ESAM: variants seen among roughly 807,000 people sequenced by gnomAD.
ESAM encodes endothelial cell-selective adhesion molecule.
ESAM carries 23 observed loss-of-function variants against 31.8 expected under a neutral mutation model. The ratio of observed to expected loss-of-function variants is 0.72; its 90% CI spans 0.52 to 1.03. The LOEUF is 1.03. Ranked by LOEUF, ESAM falls within the 50% of genes least tolerant of loss-of-function variation. The pLI, the probability that ESAM is intolerant of heterozygous loss-of-function variation, is 0.00. For synonymous variants in ESAM, 216 were observed against 207.2 expected (o/e 1.04, Z -0.37); for missense variants, 478 against 488.9 (o/e 0.98, Z 0.21).
rs371554864 is a variant in ESAM at position 124,753,594 on chromosome 11, C to T, written c.*52G>A. On this transcript the variant is annotated 3_prime_UTR_variant, in exon 7 of 7. Coordinates refer to ENST00000278927, the MANE Select transcript of ESAM (RefSeq NM_138961.3). ...CTCAGGCCTCTGTGCTAGAGGTGACCCTTATAGGAAGGAGAGACCCCAAAT... is the reference window on the plus strand; with the variant it reads ...CTCAGGCCTCTGTGCTAGAGGTGACTCTTATAGGAAGGAGAGACCCCAAAT... 4 of 1,599,834 alleles carry T rather than the reference C, an allele frequency of 2.5e-6. No individual in the cohort carries two copies. The highest frequency in any genetic ancestry group is 1.7e-6 in the Non-Finnish European group (2 of 1,172,558).
intron 2 of ESAM, 103 bp downstream of exon 2, chr11:124,758,246 C>T: frequency 1.5e-6 from 2 of 1,374,816 alleles, no homozygotes; most frequent in Non-Finnish European, 1.0e-6. Context: ...AACTCCTTCC[C>T]CGGCCCCCAT....
intron 1 of ESAM, among the ~76,000 whole-genome samples, chr11:124,760,989 T>C (rs2134464143): frequency 6.6e-6 from 1 of 152,234 alleles, no homozygotes; most frequent in Non-Finnish European, 1.5e-5. Flanking sequence ...TACTTGAGAC[T>C]CATTTTGTCC....
chr11:124,754,844 T>C lies in ESAM; in HGVS notation c.608-81A>G. The C allele has an allele frequency of 6.6e-7, 1 of 1,509,456 alleles. No individual in the cohort carries two copies. Among genetic ancestry groups the C allele is most frequent in the Non-Finnish European group, 8.9e-7 (1 of 1,129,242 alleles). 93.5% of individuals were successfully genotyped at this position (1,509,456 alleles called of 1,614,324 possible). A position where few individuals can be genotyped will look rare whatever the true frequency, so the allele number is the denominator to read the frequency against. On this transcript the variant is annotated intron_variant, in intron 4 of 6. Transcript: ENST00000278927. The surrounding 1 kb of genome is among the most constrained non-coding windows in gnomAD (Gnocchi z 4.5). ...AAAAAATCTTGTCCCTCCTCTGGAA[T>C]GTCCCCTTTGACCCTCTGGGAGTCA...
intron 1 of ESAM, among the ~76,000 whole-genome samples, chr11:124,761,293 T>A (rs1944225782): frequency 6.6e-6 from 1 of 152,224 alleles, no homozygotes; most frequent in South Asian, 2.1e-4. Flanking sequence ...GATGGAGTTC[T>A]GAGCCACCCC....
At chr11:124,757,353 CAGGAGCGGTAGAGGCTGT>C (rs1181785286) in intron 2 of ESAM, 1 of 155,152 alleles carries the variant, frequency 6.4e-6, no homozygotes, top group Non-Finnish European at 1.4e-5. Flanking sequence ...ATTACTTGAG[CAGGAGCGGTAGAGGCTGT>C]AGTGAGCGAA....
At chr11:124,758,585 C>A in intron 1 of ESAM, 58 bp from the exon 2 acceptor site, 1 of 1,444,402 alleles carries the variant, frequency 6.9e-7, no homozygotes. Flanking sequence ...CGCCCGCGGA[C>A]CCTGCCCTAC....
chr11:124,758,488 G>A lies in ESAM; in HGVS notation c.110C>T (p.Ala37Val). ...TCCCTCCACCGCCTGCAACCGGTTG[G>A]CGGGCAAGTGCAGTTGCAGCTGGGC... Reference protein sequence around the residue: ...SRAQLQLHLPANRLQAVEGGE... With the variant: ...SRAQLQLHLPVNRLQAVEGGE... The change falls in exon 2 of 7, where the codon GCC (alanine) becomes GTC (valine). Residue 37 changes from alanine (A) to valine (V), a missense_variant. Ala to Val is a moderately conservative substitution (Grantham distance 64). Coordinates refer to ENST00000278927, the MANE Select transcript of ESAM (RefSeq NM_138961.3). 5.0e-6 allele frequency: 8 copies of A among 1,605,748 alleles called. No individual in the cohort carries two copies. The highest frequency in any genetic ancestry group is 6.8e-6 in the Non-Finnish European group (8 of 1,175,908).
chr11:124,753,790 G>A lies in ESAM; in HGVS notation c.1029C>T (p.Pro343=), dbSNP rs766146138. 2.4e-5 allele frequency: 39 copies of A among 1,613,880 alleles called. No individual in the cohort carries two copies. The highest frequency in any genetic ancestry group is 9.3e-5 in the African/African-American group (7 of 75,060). The change falls in exon 7 of 7, where the codon CCC becomes CCT. Residue 343 remains proline (P), a synonymous_variant. Coordinates refer to ENST00000278927, the MANE Select transcript of ESAM (RefSeq NM_138961.3). ...PTPSLSSQAL[P]SPRLPTTDGA... ...CATCTGTCGTGGGCAGTCTTGGTGA[G>A]GGCAGGGCCTGGCTGGAGAGACTGG... is the stretch of plus-strand genomic sequence containing the variant.
chr11:124,758,284 A>G, intron 2 of ESAM, 65 bp downstream of exon 2: 2 of 1,591,960 alleles, frequency 1.3e-6, no homozygotes, highest in Non-Finnish European at 1.7e-6. Context: ...CACCGCTACC[A>G]GCTCTTTGCT....
Position 124,762,182 on chromosome 11 carries a change from G to A in ESAM, c.-28C>T. 1 of 1,582,912 alleles carries A rather than the reference G, an allele frequency of 6.3e-7. No individual in the cohort carries two copies. Among genetic ancestry groups the A allele is most frequent in the Non-Finnish European group, 8.6e-7 (1 of 1,163,500 alleles). ...CCCTCCCTGGCCGGGACGGAGTCAGGGGCGCCAGCCGCGGGACGCACGGAC... is the reference window on the plus strand; with the variant it reads ...CCCTCCCTGGCCGGGACGGAGTCAGAGGCGCCAGCCGCGGGACGCACGGAC... On this transcript the variant is annotated 5_prime_UTR_variant, in exon 1 of 7. Transcript: ENST00000278927. This position sits in a 1 kb window ranked among gnomAD's most constrained non-coding sequence, Gnocchi z 6.4.
chr11:124,758,576 G>A (rs1050311897), intron 1 of ESAM, 49 bp from the exon 2 acceptor site: 9 of 1,453,950 alleles, frequency 6.2e-6, no homozygotes, highest in Non-Finnish European at 8.1e-6. Context: ...TCCCAGCTCC[G>A]CCCGCGGACC....
chr11:124,755,336 G>A (rs1944140769), intron 4 of ESAM, among the ~76,000 whole-genome samples: 1 of 151,268 alleles, frequency 6.6e-6, no homozygotes, highest in African/African-American at 2.5e-5. Context: ...CATGGCACAT[G>A]TATACATATG....
chr11:124,756,353 G>C lies in ESAM; in HGVS notation c.461C>G (p.Ala154Gly), dbSNP rs780575270. 10 of 1,604,506 alleles carry C rather than the reference G, an allele frequency of 6.2e-6. No individual in the cohort carries two copies. Among genetic ancestry groups the C allele is most frequent in the Non-Finnish European group, 8.5e-6 (10 of 1,175,162 alleles). ...ACCCTGGAGACGGCAGGATGGAGGA[G>C]CTGGAGGAACTGGGCAGGGGGAGAC... ...TLELNVLVPP[A>G]PPSCRLQGVP... Residue 154 changes from alanine (A) to glycine (G), a missense_variant, in exon 4 of 7, where the codon GCT becomes GGT. Ala to Gly is a moderately conservative substitution (Grantham distance 60). Coordinates refer to ENST00000278927, the MANE Select transcript of ESAM (RefSeq NM_138961.3).
intron 1 of ESAM, 83 bp from the exon 2 acceptor site, chr11:124,758,610 G>A: frequency 7.1e-7 from 1 of 1,413,416 alleles, no homozygotes; most frequent in Non-Finnish European, 9.2e-7. Flanking sequence ...CTTCACCAGA[G>A]AGCGAGGAAA....
Position 124,758,542 on chromosome 11 carries a change from G to T in ESAM, c.71-15C>A. 5 of 1,518,760 alleles carry T rather than the reference G, an allele frequency of 3.3e-6. No individual in the cohort carries two copies. The highest frequency in any genetic ancestry group is 3.5e-6 in the Non-Finnish European group (4 of 1,133,286). 94.1% of individuals were successfully genotyped at this position (1,518,760 alleles called of 1,614,324 possible). ...CGAGGGGGGCGCTGGAGACAAGAGC[G>T]AGGCGTGAGTGCCCAGGACCGGCTC... On this transcript the variant is annotated splice_polypyrimidine_tract_variant and intron_variant, in intron 1 of 6. Transcript: ENST00000278927.
chr11:124,760,677 G>A (rs1286612508), intron 1 of ESAM, among the ~76,000 whole-genome samples: 1 of 152,246 alleles, frequency 6.6e-6, no homozygotes, highest in African/African-American at 2.4e-5. Context: ...TTGAGTCCAG[G>A]TCTTCAGTCT....
chr11:124,755,903 G>T (rs144227553), intron 4 of ESAM, among the ~76,000 whole-genome samples: 1 of 151,976 alleles, frequency 6.6e-6, no homozygotes, highest in Non-Finnish European at 1.5e-5. Context: ...TGTAAAATCC[G>T]CATTTTACAA....
In ESAM at chr11:124,762,141, G is replaced by C. The variant is rs199860304; in HGVS notation, c.14C>G (p.Pro5Arg). The C allele has an allele frequency of 2.8e-5, 45 of 1,609,882 alleles. No individual in the cohort carries two copies. The East Asian group carries it at 9.3e-4, about 33-fold the overall frequency. Residue 5 changes from proline (P) to arginine (R), a missense_variant, in exon 1 of 7, where the codon CCG becomes CGG. Pro to Arg is a moderately radical substitution (Grantham distance 103, BLOSUM62 -2). Coordinates refer to ENST00000278927, the MANE Select transcript of ESAM (RefSeq NM_138961.3). This position sits in a 1 kb window ranked among gnomAD's most constrained non-coding sequence, Gnocchi z 6.4. The stretch of plus-strand genomic sequence containing the variant: ...CAGCAAGTTGGTCACCAGGGGCCCC[G>C]GGAGGGAAATCATGGCCCTCCCTGG... MISL[P>R]GPLVTNLLRF...
chr11:124,754,631 C>A lies in ESAM; in HGVS notation c.730+10G>T. 1 of 1,608,896 alleles carries A rather than the reference C, an allele frequency of 6.2e-7. No homozygotes were observed. Among genetic ancestry groups the A allele is most frequent in the African/African-American group, 1.3e-5 (1 of 74,780 alleles). On this transcript the variant is annotated intron_variant, in intron 5 of 6. Transcript: ENST00000278927. The surrounding 1 kb of genome is among the most constrained non-coding windows in gnomAD (Gnocchi z 4.5). ...ACCACTCTTCTTAACCACACTTACC[C>A]CTCACTGACCTGTGCTCACTTCCAG...
Sources: gnomAD v4.1 joint callset for allele counts (sites outside exome capture counted in the v4.1 genomes callset) on GRCh38, gnomAD v4.1.1 for gene constraint, Gnocchi (gnomAD v3.1) non-coding constraint, MANE v1.5 for transcripts, NCBI Gene and HGNC (gene_info 2026-07-23, HGNC 2026-07-21) for gene names.